The following SOX5 variants were observed in gnomAD, a reference collection of about 807,000 sequenced individuals.
The protein encoded by SOX5 is SRY-box transcription factor 5, also known as transcription factor SOX-5.
SOX5 carries 9 observed loss-of-function variants against 92.0 expected under a neutral mutation model. The observed-to-expected ratio is 0.10, with a 90% confidence interval of 0.06 to 0.17. The LOEUF (loss-of-function observed/expected upper bound fraction) is 0.17. Ranked by LOEUF, SOX5 falls within the 10% of genes least tolerant of loss-of-function variation. The probability of loss-of-function intolerance (pLI) is 1.00; values close to 1 mark genes in which losing one functional copy is unlikely to be tolerated. For missense variants in SOX5, 642 were observed against 944.5 expected (o/e 0.68, Z 4.20); for synonymous variants, 344 against 336.3 (o/e 1.02, Z -0.25).
chr12:24,206,461 T>C (rs1288179130), intron 4 of SOX5, among the ~76,000 whole-genome samples: 3 of 152,170 alleles, frequency 2.0e-5, no homozygotes, highest in Admixed American at 1.3e-4. Flanking sequence ...GACTATGTTA[T>C]CAACACTTTA....
At chr12:24,271,141 T>C (rs1484892543) in intron 3 of SOX5, among the ~76,000 whole-genome samples, 1 of 152,358 alleles carries the variant, frequency 6.6e-6, no homozygotes, top group East Asian at 1.9e-4. Flanking sequence ...AAGCCCTTGA[T>C]GAGTGTTGCT....
chr12:24,250,729 T>C (rs1391136861), intron 3 of SOX5, among the ~76,000 whole-genome samples: 1 of 152,176 alleles, frequency 6.6e-6, no homozygotes, highest in African/African-American at 2.4e-5. Flanking sequence ...ACAAAGTAAG[T>C]TCATTAAGAA....
chr12:24,406,658 T>G (rs1963017060), intron 1 of SOX5, among the ~76,000 whole-genome samples: 1 of 152,178 alleles, frequency 6.6e-6, no homozygotes, highest in Admixed American at 6.5e-5. Flanking sequence ...GAAGCTATGA[T>G]TATGATTTGA....
At chr12:24,280,284 T>C (rs1484458281) in intron 2 of SOX5, among the ~76,000 whole-genome samples, 1 of 152,158 alleles carries the variant, frequency 6.6e-6, no homozygotes, top group African/African-American at 2.4e-5. Context: ...AAACCACTAT[T>C]GTGGAAACTT....
intron 4 of SOX5, among the ~76,000 whole-genome samples, chr12:24,024,933 G>T (rs1954714505): frequency 6.6e-6 from 1 of 151,862 alleles, no homozygotes; most frequent in Non-Finnish European, 1.5e-5. Flanking sequence ...TGATTTCTCT[G>T]AACAAGATAA....
intron 1 of SOX5, among the ~76,000 whole-genome samples, chr12:24,408,163 A>T (rs1963374976): frequency 6.6e-6 from 1 of 152,196 alleles, no homozygotes; most frequent in Non-Finnish European, 1.5e-5. Flanking sequence ...TGCGACTGCC[A>T]TATGATTATC....
intron 2 of SOX5, among the ~76,000 whole-genome samples, chr12:24,356,161 T>A (rs576413761): frequency 1.7e-4 from 26 of 152,276 alleles, no homozygotes; most frequent in African/African-American, 6.3e-4. Flanking sequence ...CAATATAGCA[T>A]AAAATAATCC....
At chr12:24,363,755 A>G (rs1053842093) in intron 2 of SOX5, among the ~76,000 whole-genome samples, 4 of 152,096 alleles carry the variant, frequency 2.6e-5, no homozygotes, top group Non-Finnish European at 4.4e-5. Flanking sequence ...GGTGAACAAC[A>G]TACCCATATA....
intron 4 of SOX5, among the ~76,000 whole-genome samples, chr12:24,170,264 C>T (rs1011655076): frequency 8.5e-5 from 13 of 152,288 alleles, no homozygotes; most frequent in East Asian, 5.8e-4. Context: ...AGGGAACTTG[C>T]GCCACATCTG....
At chr12:23,868,541 T>C (rs941954562) in intron 2 of SOX5, among the ~76,000 whole-genome samples, 1 of 152,144 alleles carries the variant, frequency 6.6e-6, no homozygotes, top group African/African-American at 2.4e-5. Context: ...CCCTAAGTTA[T>C]ATGTACAAGT....
chr12:23,616,343 G>A (rs369215817), intron 8 of SOX5, among the ~76,000 whole-genome samples: 1 of 152,210 alleles, frequency 6.6e-6, no homozygotes, highest in Non-Finnish European at 1.5e-5. Context: ...GGCTGGGATT[G>A]TGAAACATTT....
At chr12:24,541,920 C>A (rs539844574) in intron 1 of SOX5, among the ~76,000 whole-genome samples, 1 of 152,132 alleles carries the variant, frequency 6.6e-6, no homozygotes, top group Non-Finnish European at 1.5e-5. Flanking sequence ...TAGCAGGCCA[C>A]GAAAAACAGT....
Position 23,587,315 on chromosome 12 carries a change from TAA to T in SOX5, c.1165-11479_1165-11478del, listed in dbSNP as rs373664336. On this transcript the variant is annotated intron_variant, in intron 9 of 14. Coordinates refer to ENST00000451604, the MANE Select transcript of SOX5 (RefSeq NM_006940.6). ...GATATCATCAACCCCACTTCACAGA[TAA>T]AGAGAAGGAGGTTGAAGATACTCAA... Among the ~76,000 whole-genome samples, 41 of 152,190 alleles carry T rather than the reference TAA, an allele frequency of 2.7e-4. 2 individuals carry two copies. In the East Asian group the frequency reaches 7.3e-3, roughly 27 times the overall value.
intron 6 of SOX5, among the ~76,000 whole-genome samples, chr12:23,694,938 G>A (rs1299961476): frequency 6.6e-6 from 1 of 152,032 alleles, no homozygotes; most frequent in African/African-American, 2.4e-5. Flanking sequence ...GGGCAACATG[G>A]TGAAACCCTA....
At chr12:24,123,391 A>G (rs1948810946) in intron 4 of SOX5, among the ~76,000 whole-genome samples, 1 of 152,208 alleles carries the variant, frequency 6.6e-6, no homozygotes, top group African/African-American at 2.4e-5. Flanking sequence ...CCTGAATTAC[A>G]TTGAATATAC....
chr12:23,887,917 ATG>A (rs61356582), intron 2 of SOX5, among the ~76,000 whole-genome samples: 3,726 of 144,692 alleles, frequency 0.026, 47 homozygotes, highest in Non-Finnish European at 0.035. Context: ...CAGTGTGTAT[ATG>A]TGTGTGTGTG....
Position 24,329,530 on chromosome 12 carries a change from G to A in SOX5, c.-174+39033C>T, listed in dbSNP as rs150963968. 7.4e-3 allele frequency among the ~76,000 whole-genome samples: 1,124 copies of A among 151,970 alleles called. 6 individuals are homozygous for A. The highest frequency in any genetic ancestry group is 0.011 in the Non-Finnish European group (778 of 67,970). Reference sequence around the variant, plus strand: ...ACAATTCAAGATGAGATTCGGGTGGGGACACAAAGCCTAACCATATCAAGA... The same window carrying A: ...ACAATTCAAGATGAGATTCGGGTGGAGACACAAAGCCTAACCATATCAAGA... On this transcript the variant is annotated intron_variant, in intron 2 of 4. Transcript: ENST00000446891.
At chr12:23,770,044 C>T (rs558460152) in intron 3 of SOX5, among the ~76,000 whole-genome samples, 8 of 121,978 alleles carry the variant, frequency 6.6e-5, no homozygotes, top group Admixed American at 5.3e-4. Context: ...TAAATGCTCC[C>T]TCTGTTTTTT....
intron 3 of SOX5, among the ~76,000 whole-genome samples, chr12:24,251,243 A>C (rs1325999395): frequency 6.6e-6 from 1 of 152,154 alleles, no homozygotes; most frequent in African/African-American, 2.4e-5. Flanking sequence ...TCTTATCCTA[A>C]TCATTTATAG....
Sources: gnomAD v4.1 joint callset for allele counts (sites outside exome capture counted in the v4.1 genomes callset) on GRCh38, gnomAD v4.1.1 for gene constraint, MANE v1.5 for transcripts, NCBI Gene and HGNC (gene_info 2026-07-23, HGNC 2026-07-21) for gene names.